ADGRF1: variants seen among roughly 807,000 people sequenced by gnomAD.
ADGRF1 encodes G protein-coupled receptor 110.
In ADGRF1, 85 loss-of-function variants were observed where a neutral mutation model predicts 87.2. That is an observed-to-expected ratio of 0.97 (90% confidence interval 0.82 to 1.17). The LOEUF is 1.17. Among genes scored for constraint, ADGRF1 ranks in the 50% most tolerant of loss-of-function variants. The pLI, the probability that ADGRF1 is intolerant of heterozygous loss-of-function variation, is 0.00. For missense variants in ADGRF1, 1,169 were observed against 1,077.2 expected, an observed-to-expected ratio of 1.09 and a Z score of -1.19; for synonymous variants, 430 against 408.8, an observed-to-expected ratio of 1.05 and a Z score of -0.63.
intron 9 of ADGRF1, chr6:47,014,084 C>G (rs1039971218): frequency 5.7e-6 from 1 of 176,752 alleles, no homozygotes; most frequent in African/African-American, 2.4e-5. Context: ...CAGACTAATA[C>G]AGCACTGGAC....
intron 1 of ADGRF1, among the ~76,000 whole-genome samples, chr6:47,036,725 C>T (rs1168175499): frequency 6.6e-6 from 1 of 152,178 alleles, no homozygotes; most frequent in East Asian, 1.9e-4. Context: ...ATAGTATTTT[C>T]ATTATAATTT....
Position 47,009,960 on chromosome 6 carries a change from G to A in ADGRF1, c.1475C>T (p.Pro492Leu). The stretch of plus-strand genomic sequence containing the variant: ...CTGAGCATTTCCATTTTTGGAAACG[G>A]GTAGAATGTTCCCCAGAGTCAACGA... ...MASLTLGNILPVSKNGNAQVN... is the reference protein window; with the variant it reads ...MASLTLGNILLVSKNGNAQVN... The change falls in exon 11 of 15, where the codon CCC becomes CTC. Residue 492 changes from proline (P) to leucine (L), a missense_variant. Transcript: ENST00000371253. 1 of 1,614,110 alleles carries A rather than the reference G, an allele frequency of 6.2e-7. No homozygotes were observed.
In ADGRF1 at chr6:47,022,002, A is replaced by G. The variant is rs764802158; in HGVS notation, c.508T>C (p.Ser170Pro). ...GCATATTTGGAGTATATAGCAGAAG[A>G]TGAATTCAAAAGGTCATTTGTAAAC... ...ERFTNDLLNS[S>P]SAIYSKYANG... is the part of the protein sequence containing the mutation. The change falls in exon 6 of 15, where the codon TCT (serine) becomes CCT (proline). Residue 170 changes from serine to proline, a missense_variant. By Grantham distance (74) the Ser-to-Pro change is moderately conservative. Transcript: ENST00000371253. 1.3e-6 allele frequency: 2 copies of G among 1,593,496 alleles called. No individual in the cohort carries two copies. Among genetic ancestry groups the G allele is most frequent in the Non-Finnish European group, 1.7e-6 (2 of 1,171,872 alleles).
intron 13 of ADGRF1, among the ~76,000 whole-genome samples, chr6:47,003,268 C>G (rs1420133547): frequency 6.6e-6 from 1 of 152,114 alleles, no homozygotes; most frequent in South Asian, 2.1e-4. Context: ...AAATTCCAAC[C>G]AAACTCTAGC....
At chr6:47,028,359 G>C (rs1780306849) in intron 2 of ADGRF1, among the ~76,000 whole-genome samples, 1 of 152,178 alleles carries the variant, frequency 6.6e-6, no homozygotes, top group Non-Finnish European at 1.5e-5. Context: ...GTTTAGATAT[G>C]GAATGTGAGA....
At chr6:47,004,438 C>T (rs1005731929) in intron 13 of ADGRF1, among the ~76,000 whole-genome samples, 1 of 152,142 alleles carries the variant, frequency 6.6e-6, no homozygotes, top group African/African-American at 2.4e-5. Flanking sequence ...ACAGACACTG[C>T]CTTCTCAGAA....
At chr6:47,038,707 T>G (rs1780660390) in intron 1 of ADGRF1, among the ~76,000 whole-genome samples, 1 of 152,246 alleles carries the variant, frequency 6.6e-6, no homozygotes, top group Non-Finnish European at 1.5e-5. Context: ...TGTAAGCTTG[T>G]TTAATGAGGC....
At chr6:47,020,266 G>A in intron 7 of ADGRF1, 4 of 1,228,550 alleles carry the variant, frequency 3.3e-6, no homozygotes, top group Non-Finnish European at 4.2e-6. Context: ...GCCGAGGCAG[G>A]CGGATCACCT....
At chr6:47,000,625 A>G (rs192978357) in intron 14 of ADGRF1, among the ~76,000 whole-genome samples, 92 of 152,310 alleles carry the variant, frequency 6.0e-4, no homozygotes, top group Non-Finnish European at 1.1e-3. Context: ...ATGAGGAACA[A>G]ATGTCCCCAA....
intron 6 of ADGRF1, among the ~76,000 whole-genome samples, chr6:47,021,411 A>G (rs1450189394): frequency 6.6e-6 from 1 of 152,128 alleles, no homozygotes; most frequent in Non-Finnish European, 1.5e-5. Context: ...CCCAGGCTGG[A>G]GTGCAGTGGC....
chr6:47,000,122 GA>G lies in ADGRF1; in HGVS notation c.*99del. ...GTTTTATTCCCAGACCCCTAAATCAGAAAACCCGATCGAATACTGAGCATAA... is the reference window on the plus strand; with the variant it reads ...GTTTTATTCCCAGACCCCTAAATCAGAAACCCGATCGAATACTGAGCATAA... On this transcript the variant is annotated 3_prime_UTR_variant, in exon 15 of 15. Transcript: ENST00000371253. The G allele has an allele frequency of 1.1e-6, 1 of 879,424 alleles. No individual in the cohort carries two copies. The allele number at this position is 879,424 out of a possible 1,614,324, so 54.5% of individuals were successfully genotyped here.
At chr6:47,031,204 G>T (rs1484760251) in intron 1 of ADGRF1, among the ~76,000 whole-genome samples, 2 of 152,114 alleles carry the variant, frequency 1.3e-5, no homozygotes, top group Non-Finnish European at 2.9e-5. Context: ...CTTTGTGCCA[G>T]TCTGTTTCCA....
chr6:47,001,384 G>A (rs1386053282), intron 14 of ADGRF1, 117 bp downstream of exon 14: 1 of 797,860 alleles, frequency 1.3e-6, no homozygotes, highest in Admixed American at 2.8e-5. Context: ...ATGGCTGGCT[G>A]ATAATCCCAC....
intron 1 of ADGRF1, among the ~76,000 whole-genome samples, chr6:47,034,859 G>A (rs760743231): frequency 4.6e-5 from 7 of 152,188 alleles, no homozygotes; most frequent in Non-Finnish European, 8.8e-5. Context: ...ATAAGTTTGT[G>A]TTTCCTTTGC....
At chr6:47,019,109 T>C (rs1184631453) in intron 7 of ADGRF1, 1 of 215,206 alleles carries the variant, frequency 4.6e-6, no homozygotes, top group African/African-American at 2.4e-5. Context: ...TAAAAAGTTG[T>C]AGTTTATAGA....
chr6:47,029,131 TAG>T, intron 1 of ADGRF1, 27 bp from the exon 2 acceptor site: 1 of 1,293,134 alleles, frequency 7.7e-7, no homozygotes, highest in South Asian at 1.2e-5. Flanking sequence ...CCAGGTAAGG[TAG>T]AGGCACAAAA....
At chr6:47,037,457 T>C (rs1780618432) in intron 1 of ADGRF1, among the ~76,000 whole-genome samples, 1 of 152,246 alleles carries the variant, frequency 6.6e-6, no homozygotes, top group African/African-American at 2.4e-5. Flanking sequence ...AAAATGTTCA[T>C]GAAATCACAC....
At chr6:47,041,178 T>C (rs1780733134) in intron 1 of ADGRF1, among the ~76,000 whole-genome samples, 1 of 152,260 alleles carries the variant, frequency 6.6e-6, no homozygotes, top group African/African-American at 2.4e-5. Context: ...TAAAGTATTA[T>C]GGGACCATTA....
At chr6:47,001,026 C>T (rs759066880) in intron 14 of ADGRF1, among the ~76,000 whole-genome samples, 2 of 152,260 alleles carry the variant, frequency 1.3e-5, no homozygotes, top group Non-Finnish European at 2.9e-5. Flanking sequence ...GTGGAGGAGA[C>T]AGTGCTCTTT....
Sources: allele counts gnomAD v4.1 joint callset (sites outside exome capture counted in the v4.1 genomes callset), GRCh38; gene constraint gnomAD v4.1.1; transcripts MANE v1.5; gene names NCBI Gene and HGNC (gene_info 2026-07-23, HGNC 2026-07-21).